PMFBP1: variants seen among roughly 807,000 people sequenced by gnomAD.
PMFBP1 encodes polyamine-modulated factor 1-binding protein 1.
Under a neutral mutation model 137.8 loss-of-function variants are expected in PMFBP1, and 131 were observed. The observed-to-expected ratio is 0.95, with a 90% CI of 0.82 to 1.10. The LOEUF (loss-of-function observed/expected upper bound fraction) is 1.10, where lower values mean the gene tolerates loss of function less well. Ranked by LOEUF, PMFBP1 falls within the 50% of genes least tolerant of loss-of-function variation. PMFBP1 has a pLI of 0.00. For synonymous variants in PMFBP1, 490 were observed against 450.4 expected (o/e 1.09, Z -1.11); for missense variants, 1,199 against 1,175.4 (o/e 1.02, Z -0.29).
At chr16:72,126,827 C>A (rs1042039156) in intron 14 of PMFBP1, among the ~76,000 whole-genome samples, 2 of 152,162 alleles carry the variant, frequency 1.3e-5, no homozygotes, top group African/African-American at 4.8e-5. Context: ...TCAGAAAAAT[C>A]TGGGTTGAGG....
intron 5 of PMFBP1, among the ~76,000 whole-genome samples, chr16:72,147,297 GTGC>G (rs1026404032): frequency 5.3e-5 from 8 of 152,126 alleles, no homozygotes; most frequent in Non-Finnish European, 5.9e-5. Flanking sequence ...TTAATAAATG[GTGC>G]TGGGAAAACT....
intron 5 of PMFBP1, among the ~76,000 whole-genome samples, chr16:72,146,487 C>G (rs1310331634): frequency 6.6e-6 from 1 of 152,192 alleles, no homozygotes; most frequent in Non-Finnish European, 1.5e-5. Flanking sequence ...CCCTCTCTCA[C>G]CACTCCTATT....
chr16:72,198,160 T>C, the PMFBP1 span, among the ~76,000 whole-genome samples: 1 of 152,152 alleles, frequency 6.6e-6, no homozygotes, highest in Non-Finnish European at 1.5e-5. Context: ...TGTACTGTAA[T>C]AGAAATCATC....
At position 72,129,089 on chromosome 16, in the gene PMFBP1, C is replaced by T. The variant is rs1393701267; in HGVS notation, c.1927G>A (p.Glu643Lys). The change falls in exon 13 of 21, where the codon GAA becomes AAA. Residue 643 changes from glutamate to lysine, a missense_variant. Transcript: ENST00000237353. ...MEGELEALRQ[E>K]FKKKDKTLKE... ...ACCGTCTTGTCTTTCTTTTTAAATT[C>T]CTGCCGCAAAGCTTCAAGTTCTCCC... 3.7e-6 allele frequency: 6 copies of T among 1,613,548 alleles called. No homozygotes were observed. The highest frequency in any genetic ancestry group is 2.7e-5 in the African/African-American group (2 of 74,846).
chr16:72,168,099 T>C (rs375153865), intron 2 of PMFBP1, among the ~76,000 whole-genome samples: 1 of 152,210 alleles, frequency 6.6e-6, no homozygotes, highest in Non-Finnish European at 1.5e-5. Context: ...TCTTCATTCA[T>C]GAAACAAGGT....
At chr16:72,239,114 C>CT in the PMFBP1 span, among the ~76,000 whole-genome samples, 1 of 152,170 alleles carries the variant, frequency 6.6e-6, no homozygotes, top group East Asian at 1.9e-4. Context: ...GATTGAGAAA[C>CT]TTTTTTCCTA....
At chr16:72,136,318 CCA>C (rs1426921960) in intron 9 of PMFBP1, 128 bp downstream of exon 9, 3 of 1,021,938 alleles carry the variant, frequency 2.9e-6, no homozygotes, top group Middle Eastern at 3.2e-4. Context: ...GCCTGAAGAG[CCA>C]CCATCTCACT....
In PMFBP1 at chr16:72,130,198, G is replaced by C; in HGVS notation, c.1782+15C>G. 1 of 1,610,080 alleles carries C rather than the reference G, an allele frequency of 6.2e-7. No homozygotes were observed. The highest frequency in any genetic ancestry group is 1.1e-5 in the South Asian group (1 of 91,072). On this transcript the variant is annotated intron_variant, in intron 12 of 20. Coordinates refer to ENST00000237353, the MANE Select transcript of PMFBP1 (RefSeq NM_031293.3). ...GAGCAAGCACTTGAATGGGCCATCTGCCTGCCCGTCATACCTGGTGCTTGA... is the reference window on the plus strand; with the variant it reads ...GAGCAAGCACTTGAATGGGCCATCTCCCTGCCCGTCATACCTGGTGCTTGA...
intron 3 of PMFBP1, among the ~76,000 whole-genome samples, chr16:72,158,242 A>G (rs2043011241): frequency 6.6e-6 from 1 of 152,236 alleles, no homozygotes; most frequent in South Asian, 2.1e-4. Context: ...AAGAAATCCT[A>G]GGCAAAGACA....
rs760495000 is a variant in PMFBP1, at chr16:72,132,853, C to T, written c.1342G>A (p.Ala448Thr). ...ATELEMTVKE[A>T]KQDKSKEAEC... ...GCCTCCTTGGACTTGTCCTGCTTAG[C>T]CTCCTTGACTGTCATTTCAAGTTCT... The change falls in exon 10 of 21, where the codon GCT (alanine) becomes ACT (threonine). Residue 448 changes from alanine (A) to threonine (T), a missense_variant. Ala to Thr is a moderately conservative substitution (Grantham distance 58). Transcript: ENST00000237353. 7 of 1,614,212 alleles carry T rather than the reference C, an allele frequency of 4.3e-6. No homozygotes were observed. In the South Asian group the frequency reaches 6.6e-5, roughly 15 times the overall value.
chr16:72,137,535 G>A (rs772008002), intron 7 of PMFBP1, among the ~76,000 whole-genome samples: 1 of 152,194 alleles, frequency 6.6e-6, no homozygotes, highest in Non-Finnish European at 1.5e-5. Flanking sequence ...AGACTTGCTG[G>A]AGGTGAGCTT....
the PMFBP1 span, among the ~76,000 whole-genome samples, chr16:72,221,545 A>G: frequency 2.0e-5 from 3 of 152,226 alleles, no homozygotes; most frequent in African/African-American, 7.2e-5. Flanking sequence ...AAACAAAGAC[A>G]GCAGAGATTT....
At chr16:72,232,104 T>C in the PMFBP1 span, among the ~76,000 whole-genome samples, 2 of 152,298 alleles carry the variant, frequency 1.3e-5, no homozygotes, top group African/African-American at 4.8e-5. Context: ...AAGCCCTCAT[T>C]AGAGAATATA....
the PMFBP1 span, among the ~76,000 whole-genome samples, chr16:72,228,513 G>A: frequency 6.6e-6 from 1 of 152,092 alleles, no homozygotes; most frequent in Non-Finnish European, 1.5e-5. Context: ...TAGGATACCT[G>A]GTCAAGTTCT....
chr16:72,165,047 C>T (rs2043125018), intron 2 of PMFBP1, 131 bp from the exon 3 acceptor site: 1 of 911,656 alleles, frequency 1.1e-6, no homozygotes, highest in Non-Finnish European at 1.6e-6. Context: ...TGTTATTACT[C>T]ATCCTGTGTA....
At chr16:72,155,532 A>C (rs1416970723) in intron 3 of PMFBP1, among the ~76,000 whole-genome samples, 3 of 152,224 alleles carry the variant, frequency 2.0e-5, no homozygotes, top group African/African-American at 4.8e-5. Flanking sequence ...TATGGGGCCT[A>C]GTTTACAGAT....
Position 72,119,355 on chromosome 16 carries a change from C to A in PMFBP1, c.3008-1G>T. 1 of 1,614,138 alleles carries A rather than the reference C, an allele frequency of 6.2e-7. No individual in the cohort carries two copies. Among genetic ancestry groups the A allele is most frequent in the South Asian group, 1.1e-5 (1 of 91,074 alleles). ...TGTGGATTCTAGCAGTATGAGGAAC[C>A]TGAGGGAACAGGGAGGAAATGAGAG... On this transcript the variant is annotated splice_acceptor_variant, in intron 20 of 20. Coordinates refer to ENST00000237353, the MANE Select transcript of PMFBP1 (RefSeq NM_031293.3). LOFTEE classifies it high-confidence loss of function.
chr16:72,243,518 T>C, the PMFBP1 span, among the ~76,000 whole-genome samples: 1 of 152,232 alleles, frequency 6.6e-6, no homozygotes, highest in Non-Finnish European at 1.5e-5. Context: ...CTGGTGTAAA[T>C]TGGAGATTTG....
the PMFBP1 span, among the ~76,000 whole-genome samples, chr16:72,224,382 C>T: frequency 0.087 from 13,195 of 152,166 alleles, 1,590 homozygotes; most frequent in African/African-American, 0.27. Flanking sequence ...AACCACGTGA[C>T]TTCTGTGCCC....
Sources: allele counts gnomAD v4.1 joint callset (sites outside exome capture counted in the v4.1 genomes callset), GRCh38; gene constraint gnomAD v4.1.1; transcripts MANE v1.5; gene names NCBI Gene and HGNC (gene_info 2026-07-23, HGNC 2026-07-21).